Variants in NOS1AP observed in about 807,000 individuals in gnomAD.
The protein encoded by NOS1AP is carboxyl-terminal PDZ ligand of neuronal nitric oxide synthase protein.
Under a neutral mutation model 56.2 loss-of-function variants are expected in NOS1AP, and 21 were observed. The ratio of observed to expected loss-of-function variants is 0.37; its 90% CI spans 0.26 to 0.54. The LOEUF is 0.54. Among genes scored for constraint, NOS1AP ranks in the 20% least tolerant of loss-of-function variants. The pLI, the probability that NOS1AP is intolerant of heterozygous loss-of-function variation, is 0.84. For synonymous variants in NOS1AP, 270 were observed against 274.6 expected, an observed-to-expected ratio of 0.98 and a Z score of 0.17; for missense variants, 522 against 657.8, an observed-to-expected ratio of 0.79 and a Z score of 2.26.
intron 2 of NOS1AP, among the ~76,000 whole-genome samples, chr1:162,190,085 T>C (rs115737079): frequency 6.6e-6 from 1 of 152,320 alleles, no homozygotes; most frequent in African/African-American, 2.4e-5. Context: ...GCCTGTGAAT[T>C]GATGCCAAGT....
chr1:162,323,212 C>T (rs564846660), intron 4 of NOS1AP, among the ~76,000 whole-genome samples: 2 of 152,270 alleles, frequency 1.3e-5, no homozygotes, highest in Admixed American at 6.5e-5. Flanking sequence ...GGGAAGGCAG[C>T]GGGAGCAGAC....
intron 3 of NOS1AP, among the ~76,000 whole-genome samples, chr1:162,290,334 A>G (rs1160648347): frequency 1.3e-5 from 2 of 151,546 alleles, no homozygotes; most frequent in African/African-American, 2.4e-5. Context: ...GGTTCATTTT[A>G]CACAATCTCT....
chr1:162,286,596 T>C (rs558590434), intron 2 of NOS1AP, among the ~76,000 whole-genome samples: 1 of 152,286 alleles, frequency 6.6e-6, no homozygotes, highest in South Asian at 2.1e-4. Flanking sequence ...AGAGCTGAGA[T>C]TGAGGATGAC....
At chr1:162,115,549 G>A (rs1647910821) in intron 1 of NOS1AP, among the ~76,000 whole-genome samples, 2 of 152,172 alleles carry the variant, frequency 1.3e-5, no homozygotes, top group Admixed American at 1.3e-4. Context: ...CCTCTCAAAT[G>A]TGGCTTGCAG....
chr1:162,128,241 A>G (rs1477947803), intron 1 of NOS1AP, among the ~76,000 whole-genome samples: 1 of 152,078 alleles, frequency 6.6e-6, no homozygotes, highest in Non-Finnish European at 1.5e-5. Flanking sequence ...TGGCAACCTG[A>G]TTGTCCCAAC....
chr1:162,183,369 T>G (rs1389342134), intron 2 of NOS1AP, among the ~76,000 whole-genome samples: 2 of 152,198 alleles, frequency 1.3e-5, no homozygotes, highest in Non-Finnish European at 2.9e-5. Flanking sequence ...TTACCACAAT[T>G]CTTAAGGACC....
chr1:162,308,786 C>T (rs774140018), intron 4 of NOS1AP, among the ~76,000 whole-genome samples: 31 of 152,306 alleles, frequency 2.0e-4, no homozygotes, highest in Middle Eastern at 3.4e-3. Context: ...TACTAGGACA[C>T]AGTCCTACCC....
chr1:162,306,832 G>A (rs1186654209), intron 4 of NOS1AP, among the ~76,000 whole-genome samples: 1 of 152,054 alleles, frequency 6.6e-6, no homozygotes, highest in African/African-American at 2.4e-5. Flanking sequence ...AGCTACTCAG[G>A]AGGCTGAGGC....
chr1:162,275,481 A>G (rs576861091), intron 2 of NOS1AP, among the ~76,000 whole-genome samples: 2 of 152,286 alleles, frequency 1.3e-5, no homozygotes, highest in African/African-American at 4.8e-5. Flanking sequence ...TGCACTTTGA[A>G]TTATTTCTGG....
chr1:162,075,884 A>G (rs1410654454), intron 1 of NOS1AP, among the ~76,000 whole-genome samples: 2 of 152,032 alleles, frequency 1.3e-5, no homozygotes, highest in Non-Finnish European at 2.9e-5. Flanking sequence ...ATGTTCCTCC[A>G]CACCTGGTAT....
At chr1:162,296,896 A>G (rs760949719) in intron 3 of NOS1AP, among the ~76,000 whole-genome samples, 1 of 152,150 alleles carries the variant, frequency 6.6e-6, no homozygotes, top group African/African-American at 2.4e-5. Context: ...GGTCACAAAA[A>G]CTGTCCACTG....
rs1267605997 is a variant in NOS1AP, at chr1:162,251,876, T to G, written c.178-35468T>G. Among the ~76,000 whole-genome samples, 9 of 137,692 alleles carry G rather than the reference T, an allele frequency of 6.5e-5. No homozygotes were observed. In the East Asian group the frequency reaches 8.6e-4, roughly 13 times the overall value. 90.3% of individuals were successfully genotyped at this position (137,692 alleles called of 152,430 possible). On this transcript the variant is annotated intron_variant, in intron 2 of 9. Coordinates refer to ENST00000361897, the MANE Select transcript of NOS1AP (RefSeq NM_014697.3). ...CTAGTTGTTTTTTTTTTTGTTTTTTTTTTTTTTTTTTTTGTGGAGACAAGG... is the reference window on the plus strand; with the variant it reads ...CTAGTTGTTTTTTTTTTTGTTTTTTGTTTTTTTTTTTTTGTGGAGACAAGG...
intron 2 of NOS1AP, among the ~76,000 whole-genome samples, chr1:162,269,386 C>G (rs1654517170): frequency 6.6e-6 from 1 of 152,164 alleles, no homozygotes; most frequent in Non-Finnish European, 1.5e-5. Flanking sequence ...ATTACTCTTT[C>G]TCTACTTTTT....
At chr1:162,091,893 TG>T (rs925727515) in intron 1 of NOS1AP, among the ~76,000 whole-genome samples, 7 of 152,176 alleles carry the variant, frequency 4.6e-5, no homozygotes, top group African/African-American at 1.7e-4. Context: ...GTGACTTCAC[TG>T]GGGCAAGGTG....
intron 2 of NOS1AP, among the ~76,000 whole-genome samples, chr1:162,257,094 G>A (rs1039593492): frequency 6.6e-5 from 10 of 152,178 alleles, no homozygotes; most frequent in African/African-American, 2.2e-4. Flanking sequence ...AGAATAGAAA[G>A]GGCATATGGG....
At chr1:162,312,010 C>A (rs1198664634) in intron 4 of NOS1AP, among the ~76,000 whole-genome samples, 30 of 136,416 alleles carry the variant, frequency 2.2e-4, no homozygotes, top group South Asian at 7.8e-4. Flanking sequence ...GGTTCCAAGT[C>A]TTTGCTATTG....
At chr1:162,173,708 A>C (rs185268678) in intron 2 of NOS1AP, among the ~76,000 whole-genome samples, 84 of 152,326 alleles carry the variant, frequency 5.5e-4, no homozygotes, top group African/African-American at 2.0e-3. Context: ...GAACTCAAAC[A>C]GATTTACAAG....
intron 1 of NOS1AP, among the ~76,000 whole-genome samples, chr1:162,090,626 C>T (rs1329453990): frequency 6.6e-6 from 1 of 151,982 alleles, no homozygotes; most frequent in African/African-American, 2.4e-5. Context: ...TGATCTCTTT[C>T]CTATTATTTC....
chr1:162,218,604 A>G (rs956993251), intron 2 of NOS1AP, among the ~76,000 whole-genome samples: 1 of 152,198 alleles, frequency 6.6e-6, no homozygotes, highest in African/African-American at 2.4e-5. Flanking sequence ...ATGGTCTCCA[A>G]GGGAGATGAT....
Sources: allele counts gnomAD v4.1 joint callset (sites outside exome capture counted in the v4.1 genomes callset), GRCh38; gene constraint gnomAD v4.1.1; transcripts MANE v1.5; gene names NCBI Gene and HGNC (gene_info 2026-07-23, HGNC 2026-07-21).